KCNC4: variants seen among roughly 807,000 people sequenced by gnomAD.
KCNC4 encodes the protein potassium voltage-gated channel subfamily C member 4.
In KCNC4, 23 loss-of-function variants were observed where a neutral mutation model predicts 42.8. The ratio of observed to expected loss-of-function variants is 0.54; its 90% CI spans 0.39 to 0.76. The LOEUF (loss-of-function observed/expected upper bound fraction) is 0.76. Ranked by LOEUF, KCNC4 falls within the 30% of genes least tolerant of loss-of-function variation. The pLI, the probability that KCNC4 is intolerant of heterozygous loss-of-function variation, is 0.00. For synonymous variants in KCNC4, 422 were observed against 393.5 expected (o/e 1.07, Z -0.86); for missense variants, 751 against 898.2 (o/e 0.84, Z 2.10).
At chr1:110,273,468 G>C (rs904315152) in intron 1 of KCNC4, among the ~76,000 whole-genome samples, 3 of 152,260 alleles carry the variant, frequency 2.0e-5, no homozygotes, top group Middle Eastern at 3.4e-3. Context: ...AGGGACCCTG[G>C]GTTATCATCT....
downstream of KCNC4, chr1:110,236,720 G>C (rs1055064986): frequency 6.6e-6 from 1 of 152,124 alleles, no homozygotes; most frequent in Non-Finnish European, 1.5e-5. Flanking sequence ...TGGGTAAGTG[G>C]GGGTAGGACT....
chr1:110,248,457 T>TTG (rs1219824064), exon 4 of KCNC4: 115 of 151,630 alleles, frequency 7.6e-4, no homozygotes, highest in Middle Eastern at 6.8e-3. Flanking sequence ...GTTTTTGTTT[T>TTG]TTTTTGGCCT....
At chr1:110,270,814 G>T (rs1290138394) in intron 1 of KCNC4, among the ~76,000 whole-genome samples, 1 of 152,196 alleles carries the variant, frequency 6.6e-6, no homozygotes, top group African/African-American at 2.4e-5. Context: ...CAGGATGCCT[G>T]GCCTACCCTC....
chr1:110,266,452 G>C (rs1275126552), intron 1 of KCNC4, among the ~76,000 whole-genome samples: 1 of 152,192 alleles, frequency 6.6e-6, no homozygotes, highest in Non-Finnish European at 1.5e-5. Flanking sequence ...TTTGGAAACA[G>C]TCATTCATTG....
chr1:110,253,929 C>T (rs188672928), downstream of KCNC4, among the ~76,000 whole-genome samples: 6 of 152,254 alleles, frequency 3.9e-5, no homozygotes, highest in African/African-American at 1.4e-4. Context: ...GGGCCCCCGC[C>T]CTACTTCACG....
intron 1 of KCNC4, among the ~76,000 whole-genome samples, chr1:110,264,180 G>A (rs1216270838): frequency 1.3e-5 from 2 of 152,192 alleles, no homozygotes; most frequent in Non-Finnish European, 2.9e-5. Flanking sequence ...GTCCTCAGTG[G>A]CTTACAGGTA....
At chr1:110,231,019 G>C (rs908140045) in intron 3 of KCNC4, among the ~76,000 whole-genome samples, 1 of 152,226 alleles carries the variant, frequency 6.6e-6, no homozygotes, top group East Asian at 1.9e-4. Flanking sequence ...CTACTTTGTT[G>C]TCAGATGCCT....
chr1:110,265,495 T>C (rs878951394), intron 1 of KCNC4, among the ~76,000 whole-genome samples: 5 of 152,324 alleles, frequency 3.3e-5, no homozygotes, highest in Admixed American at 3.3e-4. Context: ...AAGGAGCTTT[T>C]AGAGAGGGCT....
At chr1:110,267,217 C>T (rs1659554303) in intron 1 of KCNC4, among the ~76,000 whole-genome samples, 1 of 152,192 alleles carries the variant, frequency 6.6e-6, no homozygotes, top group Admixed American at 6.5e-5. Flanking sequence ...AGGGCTGCTG[C>T]TGGACTCCAG....
intron 1 of KCNC4, among the ~76,000 whole-genome samples, chr1:110,218,880 C>T (rs1190320393): frequency 2.6e-5 from 4 of 152,178 alleles, no homozygotes; most frequent in Middle Eastern, 3.4e-3. Flanking sequence ...GCCCAGGGGG[C>T]GCAGGGAGTT....
Position 110,233,038 on chromosome 1 carries a change from A to G in KCNC4, c.*66A>G, listed in dbSNP as rs1296815148. 1.3e-6 allele frequency: 2 copies of G among 1,546,946 alleles called. No homozygotes were observed. Among genetic ancestry groups the G allele is most frequent in the Non-Finnish European group, 1.8e-6 (2 of 1,138,484 alleles). ...GCCAGAGGCTTAGGGAAACTCTGGAACCCAGACAAGAATCTTTTCGCTGGG... is the reference window on the plus strand; with the variant it reads ...GCCAGAGGCTTAGGGAAACTCTGGAGCCCAGACAAGAATCTTTTCGCTGGG... On this transcript the variant is annotated 3_prime_UTR_variant, in exon 4 of 4. Coordinates refer to ENST00000438661, the MANE Select transcript of KCNC4 (RefSeq NM_001039574.3).
exon 4 of KCNC4, chr1:110,239,792 G>A (rs961110903): frequency 6.6e-6 from 1 of 152,214 alleles, no homozygotes; most frequent in Non-Finnish European, 1.5e-5. Flanking sequence ...GCCTTGGAGA[G>A]AGAGTTCCCA....
chr1:110,239,926 C>T (rs1028696755), exon 4 of KCNC4: 2 of 152,164 alleles, frequency 1.3e-5, no homozygotes, highest in African/African-American at 4.8e-5. Context: ...CCAGCTCCCA[C>T]TCGAGGGCCT....
chr1:110,233,363 G>GAC lies in KCNC4; in HGVS notation c.*391_*392insAC, dbSNP rs1658807696. On this transcript the variant is annotated 3_prime_UTR_variant, in exon 4 of 4. Coordinates refer to ENST00000438661, the MANE Select transcript of KCNC4 (RefSeq NM_001039574.3). Reference sequence around the variant, plus strand: ...GTGTGGGTGGAATGTCCCAAGAAAAGTGCATCTGGGAATTGCCAGTCCAGC... The same window carrying GAC: ...GTGTGGGTGGAATGTCCCAAGAAAAGACTGCATCTGGGAATTGCCAGTCCAGC... 7.1e-6 allele frequency: 2 copies of GAC among 279,844 alleles called. No individual in the cohort carries two copies. Among genetic ancestry groups the GAC allele is most frequent in the Non-Finnish European group, 1.4e-5 (2 of 146,974 alleles). 17.3% of individuals were successfully genotyped at this position (279,844 alleles called of 1,614,324 possible).
intron 1 of KCNC4, among the ~76,000 whole-genome samples, chr1:110,255,419 G>A (rs1344189160): frequency 6.6e-6 from 1 of 152,138 alleles, no homozygotes; most frequent in Non-Finnish European, 1.5e-5. Flanking sequence ...GGCACAAGTT[G>A]CCAAAGATAA....
intron 1 of KCNC4, among the ~76,000 whole-genome samples, chr1:110,281,553 AAAACACACAC>A (rs1265037510): frequency 2.5e-5 from 3 of 117,706 alleles, no homozygotes; most frequent in South Asian, 2.6e-4. Context: ...CACATATGTA[AAAACACACAC>A]ACACACACAC....
chr1:110,215,016 C>G (rs1188325897), intron 1 of KCNC4, among the ~76,000 whole-genome samples: 1 of 152,240 alleles, frequency 6.6e-6, no homozygotes, highest in Non-Finnish European at 1.5e-5. Context: ...ACAGCTACCT[C>G]CTCCCTGGAA....
intron 1 of KCNC4, among the ~76,000 whole-genome samples, chr1:110,274,028 T>C (rs1215687415): frequency 6.6e-6 from 1 of 152,110 alleles, no homozygotes; most frequent in African/African-American, 2.4e-5. Flanking sequence ...GGCATCCAAA[T>C]TGGAAAAGAG....
At chr1:110,242,592 A>G (rs914122641) in exon 4 of KCNC4, 1 of 152,214 alleles carries the variant, frequency 6.6e-6, no homozygotes, top group East Asian at 1.9e-4. Context: ...CTGAAGCACC[A>G]CTGGAGGCAA....
Sources: allele counts gnomAD v4.1 joint callset (sites outside exome capture counted in the v4.1 genomes callset), GRCh38; gene constraint gnomAD v4.1.1; transcripts MANE v1.5; gene names NCBI Gene and HGNC (gene_info 2026-07-23, HGNC 2026-07-21).